The following TSPEAR variants were observed in gnomAD, a reference collection of about 807,000 sequenced individuals.
TSPEAR encodes thrombospondin-type laminin G domain and EAR repeat-containing protein.
TSPEAR carries 69 observed loss-of-function variants against 71.6 expected under a neutral mutation model. The observed-to-expected ratio is 0.96, with a 90% CI of 0.79 to 1.18. The LOEUF is 1.18. TSPEAR is among the 50% of genes most tolerant of loss of function. TSPEAR has a pLI of 0.00. For synonymous variants in TSPEAR, 402 were observed against 387.2 expected, an observed-to-expected ratio of 1.04 and a Z score of -0.45; for missense variants, 971 against 894.9, an observed-to-expected ratio of 1.09 and a Z score of -1.09.
At chr21:44,527,028 C>A (rs116122830) in intron 7 of TSPEAR, among the ~76,000 whole-genome samples, 1 of 152,172 alleles carries the variant, frequency 6.6e-6, no homozygotes, top group Admixed American at 6.5e-5. Flanking sequence ...AATGTAGTGA[C>A]GAGGGGTCTA....
chr21:44,523,600 G>C (rs2052782483), intron 8 of TSPEAR, among the ~76,000 whole-genome samples: 1 of 151,964 alleles, frequency 6.6e-6, no homozygotes, highest in Non-Finnish European at 1.5e-5. Context: ...TCAGTAGTTA[G>C]GTAGTCAGTC....
chr21:44,578,118 CCT>C, intron 1 of TSPEAR, among the ~76,000 whole-genome samples: 1 of 152,210 alleles, frequency 6.6e-6, no homozygotes, highest in Non-Finnish European at 1.5e-5. Flanking sequence ...GTCCATTAAA[CCT>C]CTTTCTTTTG....
chr21:44,704,273 C>T (rs530543500), intron 1 of TSPEAR, among the ~76,000 whole-genome samples: 31 of 141,648 alleles, frequency 2.2e-4, no homozygotes, highest in Middle Eastern at 3.5e-3. Context: ...CTCCAGGGGT[C>T]CCTACCATGG....
At position 44,521,509 on chromosome 21, in the gene TSPEAR, G is replaced by A. The variant is rs587681042; in HGVS notation, c.1566+374C>T. 2.6e-5 allele frequency among the ~76,000 whole-genome samples: 4 copies of A among 152,334 alleles called. No individual in the cohort carries two copies. In the East Asian group the frequency reaches 5.8e-4, roughly 22 times the overall value. On this transcript the variant is annotated intron_variant, in intron 9 of 11. Coordinates refer to ENST00000323084, the MANE Select transcript of TSPEAR (RefSeq NM_144991.3). The stretch of plus-strand genomic sequence containing the variant: ...GCTGCCCCAGGGCCAGGGCCCTGAC[G>A]ACCATACAGACTCAGATTAGACCGC...
chr21:44,672,565 G>A (rs587633659), intron 1 of TSPEAR, among the ~76,000 whole-genome samples: 50 of 107,362 alleles, frequency 4.7e-4, no homozygotes, highest in African/African-American at 1.6e-3. Context: ...GCAAAACTCC[G>A]TCTCAAAACA....
chr21:44,620,960 G>A (rs782598126), intron 1 of TSPEAR, among the ~76,000 whole-genome samples: 2 of 152,140 alleles, frequency 1.3e-5, no homozygotes, highest in Non-Finnish European at 2.9e-5. Flanking sequence ...ACATATTTGT[G>A]AATTCCAGCT....
chr21:44,527,622 C>T (rs1270163215), intron 6 of TSPEAR, 104 bp from the exon 7 acceptor site: 33 of 1,071,150 alleles, frequency 3.1e-5, no homozygotes, highest in Admixed American at 8.0e-5. Flanking sequence ...CAAGCCACGA[C>T]TCCTGCGCCT....
chr21:44,592,574 G>A (rs782258066), intron 1 of TSPEAR: 71 of 1,524,804 alleles, frequency 4.7e-5, no homozygotes, highest in South Asian at 2.9e-4. Flanking sequence ...TGTTGTCCCC[G>A]GGCCCACAGC....
chr21:44,646,503 C>T (rs375820221), intron 1 of TSPEAR: 5 of 1,613,038 alleles, frequency 3.1e-6, no homozygotes, highest in African/African-American at 2.7e-5. Context: ...CTTACTCCGA[C>T]TCCTGGCAGG....
intron 1 of TSPEAR, among the ~76,000 whole-genome samples, chr21:44,570,139 G>C (rs1309631597): frequency 6.6e-6 from 1 of 152,132 alleles, no homozygotes; most frequent in Non-Finnish European, 1.5e-5. Context: ...CATCCAGAAG[G>C]TGCCCTGCCC....
intron 10 of TSPEAR, among the ~76,000 whole-genome samples, chr21:44,507,577 C>A (rs1555912070): frequency 6.6e-6 from 1 of 152,178 alleles, no homozygotes; most frequent in East Asian, 1.9e-4. Context: ...CTGTCCATAC[C>A]ACTGTCCAGT....
chr21:44,649,129 C>T (rs587679488), intron 1 of TSPEAR, among the ~76,000 whole-genome samples: 137 of 152,298 alleles, frequency 9.0e-4, no homozygotes, highest in African/African-American at 2.9e-3. Flanking sequence ...TGGACAGAGC[C>T]GGACGGCTCC....
intron 10 of TSPEAR, 107 bp downstream of exon 10, chr21:44,509,092 C>A: frequency 7.2e-7 from 1 of 1,392,860 alleles, no homozygotes; most frequent in Non-Finnish European, 9.8e-7. Context: ...GGTCCCCAGG[C>A]CAGTCTTTCC....
intron 1 of TSPEAR, among the ~76,000 whole-genome samples, chr21:44,592,933 T>A (rs1555927128): frequency 6.6e-6 from 1 of 151,938 alleles, no homozygotes; most frequent in Non-Finnish European, 1.5e-5. Flanking sequence ...AGGGACAACC[T>A]GGGGCCCATG....
rs1980182911 is a variant in TSPEAR, at chr21:44,593,964, A to C, written c.83-25959T>G. Among the ~76,000 whole-genome samples, 1 of 152,186 alleles carries C rather than the reference A, an allele frequency of 6.6e-6. No individual in the cohort carries two copies. Among genetic ancestry groups the C allele is most frequent in the Admixed American group, 6.5e-5 (1 of 15,274 alleles). On this transcript the variant is annotated intron_variant, in intron 1 of 11. Transcript: ENST00000323084. This position sits in a 1 kb window ranked among gnomAD's most constrained non-coding sequence, Gnocchi z 5.9. ...ACCTCCTCCTGATAAGGGACCCCCA[A>C]CCATGGACTGGCTCCAGCCGGTTTA... is the stretch of plus-strand genomic sequence containing the variant.
rs1980175011 is a variant in TSPEAR at position 44,593,860 on chromosome 21, C to T, written c.83-25855G>A. Among the ~76,000 whole-genome samples the T allele has an allele frequency of 6.6e-6, 1 of 152,212 alleles. No individual in the cohort carries two copies. The highest frequency in any genetic ancestry group is 2.4e-5 in the African/African-American group (1 of 41,458). On this transcript the variant is annotated intron_variant, in intron 1 of 11. Transcript: ENST00000323084. This position sits in a 1 kb window ranked among gnomAD's most constrained non-coding sequence, Gnocchi z 5.9. Reference sequence around the variant, plus strand: ...GAGCAAGGTTCAAACGACTGCAGCTCATCCACCAGCAGATGCCAACTGACC... The same window carrying T: ...GAGCAAGGTTCAAACGACTGCAGCTTATCCACCAGCAGATGCCAACTGACC...
Position 44,506,612 on chromosome 21 carries a change from C to T in TSPEAR, c.1755-1731G>A, listed in dbSNP as rs2052208380. ...TCAGGGTGACATCTGGAGCCACCTCCATTAATGGTGGGTTATGATTTGGTT... is the reference window on the plus strand; with the variant it reads ...TCAGGGTGACATCTGGAGCCACCTCTATTAATGGTGGGTTATGATTTGGTT... On this transcript the variant is annotated intron_variant, in intron 10 of 11. Transcript: ENST00000323084. The surrounding 1 kb of genome is among the most constrained non-coding windows in gnomAD (Gnocchi z 4.2). Among the ~76,000 whole-genome samples the T allele has an allele frequency of 6.6e-6, 1 of 152,232 alleles. No homozygotes were observed. The highest frequency in any genetic ancestry group is 2.4e-5 in the African/African-American group (1 of 41,456).
chr21:44,643,959 T>C (rs1984162381), intron 1 of TSPEAR, among the ~76,000 whole-genome samples: 1 of 152,222 alleles, frequency 6.6e-6, no homozygotes, highest in Non-Finnish European at 1.5e-5. Context: ...GGGAGTCAAA[T>C]AAAACAAAAG....
chr21:44,627,373 C>T, intron 1 of TSPEAR: 1 of 1,613,796 alleles, frequency 6.2e-7, no homozygotes, highest in Non-Finnish European at 8.5e-7. Flanking sequence ...CAGCCCCTGC[C>T]AATCAGGCTG....
Sources: allele counts gnomAD v4.1 joint callset (sites outside exome capture counted in the v4.1 genomes callset), GRCh38; gene constraint gnomAD v4.1.1; non-coding constraint Gnocchi (gnomAD v3.1); transcripts MANE v1.5; gene names NCBI Gene and HGNC (gene_info 2026-07-23, HGNC 2026-07-21).